Variants in VAT1L observed in about 807,000 individuals in gnomAD.
VAT1L encodes the protein vesicle amine transport 1 like.
Under a neutral mutation model 44.1 loss-of-function variants are expected in VAT1L, and 34 were observed. The ratio of observed to expected loss-of-function variants is 0.77; its 90% CI spans 0.59 to 1.03. The LOEUF (loss-of-function observed/expected upper bound fraction) is 1.03, where lower values mean the gene tolerates loss of function less well. Among genes scored for constraint, VAT1L ranks in the 50% least tolerant of loss-of-function variants. VAT1L has a pLI of 0.00. For missense variants in VAT1L, 615 were observed against 538.8 expected, an observed-to-expected ratio of 1.14 and a Z score of -1.40; for synonymous variants, 253 against 202.2, an observed-to-expected ratio of 1.25 and a Z score of -2.13.
intron 6 of VAT1L, among the ~76,000 whole-genome samples, chr16:77,882,846 C>T (rs992162282): frequency 6.6e-6 from 1 of 152,118 alleles, no homozygotes; most frequent in Non-Finnish European, 1.5e-5. Flanking sequence ...GTAAGGAATA[C>T]GTTAAGTTAT....
intron 6 of VAT1L, chr16:77,882,180 C>G (rs1194742322): frequency 6.6e-6 from 1 of 152,072 alleles, no homozygotes; most frequent in African/African-American, 2.4e-5. Flanking sequence ...CTGAAAAGTC[C>G]TAGAAAAAAA....
chr16:77,958,466 T>G (rs952455473), intron 7 of VAT1L, among the ~76,000 whole-genome samples: 1 of 152,140 alleles, frequency 6.6e-6, no homozygotes, highest in Admixed American at 6.6e-5. Context: ...CAGGTCTCAC[T>G]CCCATGTAGG....
chr16:77,975,426 G>A (rs903820202), intron 8 of VAT1L, among the ~76,000 whole-genome samples: 3 of 152,002 alleles, frequency 2.0e-5, no homozygotes, highest in African/African-American at 7.2e-5. Context: ...TGGCCAGGTT[G>A]TTCTTGAAAT....
chr16:77,905,243 TGAA>T (rs759269075), intron 7 of VAT1L, among the ~76,000 whole-genome samples: 5 of 152,140 alleles, frequency 3.3e-5, no homozygotes, highest in Non-Finnish European at 7.4e-5. Context: ...AAAAGAAAAA[TGAA>T]AACATTACGT....
intron 8 of VAT1L, among the ~76,000 whole-genome samples, chr16:77,976,747 T>C (rs2018345123): frequency 6.6e-6 from 1 of 152,104 alleles, no homozygotes; most frequent in Non-Finnish European, 1.5e-5. Context: ...TAAAACAAAT[T>C]TATAAGGTAG....
intron 1 of VAT1L, among the ~76,000 whole-genome samples, chr16:77,795,838 T>C (rs970286953): frequency 2.3e-5 from 3 of 130,188 alleles, no homozygotes; most frequent in Non-Finnish European, 4.8e-5. Context: ...TTTTTTTTTT[T>C]CATTTGAGAC....
At chr16:77,822,731 G>A (rs545416467) in intron 2 of VAT1L, among the ~76,000 whole-genome samples, 6 of 152,218 alleles carry the variant, frequency 3.9e-5, no homozygotes, top group South Asian at 4.2e-4. Flanking sequence ...CCCAGCTGTC[G>A]GATCATCACA....
rs138726751 is a variant in VAT1L at position 77,925,421 on chromosome 16, A to G, written c.1077+40619A>G. On this transcript the variant is annotated intron_variant, in intron 7 of 8. Coordinates refer to ENST00000302536, the MANE Select transcript of VAT1L (RefSeq NM_020927.3). ...TGGCTTGAGTTTCAGCCTACCATTT[A>G]CAAAATCAAGCTAATAATACCCCTT... is the stretch of plus-strand genomic sequence containing the variant. Among the ~76,000 whole-genome samples, 102 of 152,318 alleles carry G rather than the reference A, an allele frequency of 6.7e-4. 3 individuals are homozygous for G. In the East Asian group the frequency reaches 0.019, roughly 28 times the overall value.
chr16:77,804,802 T>A (rs1038563252), intron 1 of VAT1L, among the ~76,000 whole-genome samples: 4 of 152,212 alleles, frequency 2.6e-5, no homozygotes, highest in Non-Finnish European at 5.9e-5. Flanking sequence ...AGCAGCCATG[T>A]ACAAATTTAG....
chr16:77,919,290 G>A (rs2017586209), intron 7 of VAT1L, among the ~76,000 whole-genome samples: 2 of 152,222 alleles, frequency 1.3e-5, no homozygotes, highest in African/African-American at 4.8e-5. Flanking sequence ...TTCATTGACA[G>A]GTGTTGTGCC....
At chr16:77,839,616 A>G (rs539847693) in intron 3 of VAT1L, among the ~76,000 whole-genome samples, 27 of 149,168 alleles carry the variant, frequency 1.8e-4, no homozygotes, top group African/African-American at 6.4e-4. Flanking sequence ...AACTGACCAG[A>G]GTATGACAAG....
intron 1 of VAT1L, among the ~76,000 whole-genome samples, chr16:77,799,503 TGGTG>T (rs2016003508): frequency 8.5e-6 from 1 of 117,226 alleles, no homozygotes; most frequent in African/African-American, 3.4e-5. Flanking sequence ...CTGGAATACA[TGGTG>T]TGTGTGTGTG....
chr16:77,790,560 T>C (rs999393616), intron 1 of VAT1L, among the ~76,000 whole-genome samples: 1 of 152,186 alleles, frequency 6.6e-6, no homozygotes, highest in Non-Finnish European at 1.5e-5. Context: ...ATTAAAACCA[T>C]GCATTTAGAA....
chr16:77,873,315 A>T (rs2142450901), intron 4 of VAT1L, among the ~76,000 whole-genome samples: 1 of 152,326 alleles, frequency 6.6e-6, no homozygotes, highest in African/African-American at 2.4e-5. Flanking sequence ...AGTGGAGTTA[A>T]AATGCCTGCC....
intron 7 of VAT1L, among the ~76,000 whole-genome samples, chr16:77,932,830 G>A (rs1422645860): frequency 6.6e-6 from 1 of 152,232 alleles, no homozygotes; most frequent in South Asian, 2.1e-4. Flanking sequence ...AAATCCAAAG[G>A]GAAAAAACAA....
intron 7 of VAT1L, among the ~76,000 whole-genome samples, chr16:77,941,708 C>T (rs559145982): frequency 6.6e-6 from 1 of 152,234 alleles, no homozygotes; most frequent in African/African-American, 2.4e-5. Flanking sequence ...GCCTCAGCCT[C>T]ATGAGTAGCT....
chr16:77,927,417 C>G (rs1168178101), intron 7 of VAT1L, among the ~76,000 whole-genome samples: 1 of 151,210 alleles, frequency 6.6e-6, no homozygotes, highest in Non-Finnish European at 1.5e-5. Context: ...GATGAAGAAA[C>G]TGAGGCTCAG....
At chr16:77,952,800 T>A (rs1421751815) in intron 7 of VAT1L, among the ~76,000 whole-genome samples, 2 of 133,312 alleles carry the variant, frequency 1.5e-5, no homozygotes, top group Non-Finnish European at 3.0e-5. Context: ...GAGGTTGCAC[T>A]GAGCCAAGAT....
chr16:77,931,865 G>C (rs1842503545), intron 7 of VAT1L, among the ~76,000 whole-genome samples: 1 of 152,170 alleles, frequency 6.6e-6, no homozygotes, highest in Admixed American at 6.5e-5. Context: ...AAGCAACTAT[G>C]TGAACTTTGA....
Sources: allele counts gnomAD v4.1 joint callset (sites outside exome capture counted in the v4.1 genomes callset), GRCh38; gene constraint gnomAD v4.1.1; transcripts MANE v1.5; gene names NCBI Gene and HGNC (gene_info 2026-07-23, HGNC 2026-07-21).